PTPRN2: variants seen among roughly 807,000 people sequenced by gnomAD.
The protein encoded by PTPRN2 is protein tyrosine phosphatase receptor type N2, also known as receptor-type tyrosine-protein phosphatase N2.
In PTPRN2, 74 loss-of-function variants were observed where a neutral mutation model predicts 118.8. That is an observed-to-expected ratio of 0.62 (90% CI 0.52 to 0.76). PTPRN2 has a LOEUF of 0.76. PTPRN2 is among the 30% of genes least tolerant of loss of function. The pLI is 0.00. For missense variants in PTPRN2, 1,481 were observed against 1,394.4 expected (o/e 1.06, Z -0.99); for synonymous variants, 641 against 608.0 (o/e 1.05, Z -0.80).
chr7:158,498,511 C>A (rs1290721756), intron 1 of PTPRN2, among the ~76,000 whole-genome samples: 2 of 144,706 alleles, frequency 1.4e-5, no homozygotes, highest in East Asian at 4.1e-4. Flanking sequence ...GAGCAGCAAC[C>A]TCAACTATAT....
chr7:157,540,494 A>T lies in PTPRN2; in HGVS notation c.*220T>A. 2.4e-6 allele frequency: 1 copy of T among 412,608 alleles called. No homozygotes were observed. The highest frequency in any genetic ancestry group is 4.3e-6 in the Non-Finnish European group (1 of 231,292). 25.6% of individuals were successfully genotyped at this position (412,608 alleles called of 1,614,324 possible). ...TAAGCAAGTGAAAATTGATGAACCG[A>T]TTCCCCTCCACCCGTAACTGGATTT... On this transcript the variant is annotated 3_prime_UTR_variant, in exon 23 of 23. Transcript: ENST00000389418.
intron 2 of PTPRN2, among the ~76,000 whole-genome samples, chr7:158,475,296 A>C (rs1820169131): frequency 7.1e-6 from 1 of 141,216 alleles, no homozygotes. Context: ...GGCCCTGAGG[A>C]CTCCCCAGCT....
chr7:158,330,918 GT>G lies in PTPRN2; in HGVS notation c.164-13987del, dbSNP rs1804261331. ...ACCATAAGAGCTGACACCTGCAGAC[GT>G]CACTCACACCCACACTCTCACGATA... On this transcript the variant is annotated intron_variant, in intron 2 of 22. Coordinates refer to ENST00000389418, the MANE Select transcript of PTPRN2 (RefSeq NM_002847.5). Among the ~76,000 whole-genome samples the G allele has an allele frequency of 6.4e-5, 7 of 109,174 alleles. 1 individual carries two copies. The highest frequency in any genetic ancestry group is 2.4e-4 in the African/African-American group (7 of 29,616). The allele number at this position is 109,174 out of a possible 152,430, so 71.6% of individuals were successfully genotyped here.
At chr7:157,800,865 T>C (rs1205193173) in intron 12 of PTPRN2, among the ~76,000 whole-genome samples, 2 of 151,632 alleles carry the variant, frequency 1.3e-5, no homozygotes, top group East Asian at 3.9e-4. Context: ...GGCAGGAGAA[T>C]GGCGTGAACC....
chr7:157,712,660 A>T (rs1798703133), intron 12 of PTPRN2, among the ~76,000 whole-genome samples: 1 of 148,830 alleles, frequency 6.7e-6, no homozygotes, highest in South Asian at 2.2e-4. Context: ...CTGAGGCAGG[A>T]GAATTGCTTG....
chr7:158,580,460 C>T lies in PTPRN2; in HGVS notation c.112+7098G>A, dbSNP rs1828563224. ...CATGCCCTTTGTGCTGTATACAGAA[C>T]ACTGCATCAGAAGCCTTTTCAAAAT... is the stretch of plus-strand genomic sequence containing the variant. On this transcript the variant is annotated intron_variant, in intron 1 of 22. Coordinates refer to ENST00000389418, the MANE Select transcript of PTPRN2 (RefSeq NM_002847.5). Among the ~76,000 whole-genome samples, 3 of 152,318 alleles carry T rather than the reference C, an allele frequency of 2.0e-5. No homozygotes were observed. The South Asian group carries it at 6.2e-4, about 32-fold the overall frequency.
chr7:158,191,010 C>T (rs1825719655), intron 5 of PTPRN2, among the ~76,000 whole-genome samples: 1 of 152,254 alleles, frequency 6.6e-6, no homozygotes, highest in Admixed American at 6.5e-5. Context: ...CTGCACAGAA[C>T]GTGCCACCTT....
At chr7:157,817,852 G>A (rs920383459) in intron 12 of PTPRN2, among the ~76,000 whole-genome samples, 5 of 152,080 alleles carry the variant, frequency 3.3e-5, no homozygotes, top group Non-Finnish European at 5.9e-5. Context: ...TGTGTGTGGT[G>A]CGTGTGTGTG....
At chr7:157,790,474 G>A (rs4716494) in intron 12 of PTPRN2, among the ~76,000 whole-genome samples, 92,984 of 151,914 alleles carry the variant, frequency 0.61, 28,799 homozygotes, top group East Asian at 0.94. Context: ...GAAGATCAGC[G>A]TTCAGACCAG....
At chr7:157,554,901 A>C (rs568906186) in intron 21 of PTPRN2, among the ~76,000 whole-genome samples, 1 of 149,546 alleles carries the variant, frequency 6.7e-6, no homozygotes, top group African/African-American at 2.6e-5. Flanking sequence ...GTTTAATTCG[A>C]GTTGTCCATG....
At position 158,139,166 on chromosome 7, in the gene PTPRN2, C is replaced by T. The variant is rs187457123; in HGVS notation, c.911-651G>A. 1.4e-3 allele frequency among the ~76,000 whole-genome samples: 214 copies of T among 152,212 alleles called. 5 individuals carry two copies. In the East Asian group the frequency reaches 0.037, roughly 27 times the overall value. Reference sequence around the variant, plus strand: ...GCAGGAGGAGGCAGAAAAACAGAACCCGAAATTGAGAATAGGGCAGTCGAT... The same window carrying T: ...GCAGGAGGAGGCAGAAAAACAGAACTCGAAATTGAGAATAGGGCAGTCGAT... On this transcript the variant is annotated intron_variant, in intron 6 of 22. Transcript: ENST00000389418.
chr7:157,916,562 T>C (rs1221358308), intron 11 of PTPRN2, among the ~76,000 whole-genome samples: 1 of 152,254 alleles, frequency 6.6e-6, no homozygotes, highest in African/African-American at 2.4e-5. Context: ...ATCATTTGCC[T>C]GTCCTGTGTG....
chr7:158,511,550 C>G (rs1292777610), intron 1 of PTPRN2, among the ~76,000 whole-genome samples: 1 of 152,248 alleles, frequency 6.6e-6, no homozygotes, highest in Non-Finnish European at 1.5e-5. Flanking sequence ...CCTCCCATAC[C>G]TGTCTCTGTA....
At chr7:157,616,851 A>AG in intron 15 of PTPRN2, 2 of 150,656 alleles carry the variant, frequency 1.3e-5, no homozygotes, top group Admixed American at 1.3e-4. Context: ...GTTTTGGGAG[A>AG]GAAAAAAAAA....
At chr7:158,174,836 A>T (rs762376184) in intron 5 of PTPRN2, among the ~76,000 whole-genome samples, 2 of 152,006 alleles carry the variant, frequency 1.3e-5, no homozygotes, top group African/African-American at 2.4e-5. Context: ...CCTGCACCAT[A>T]CCCCTCACCT....
At chr7:158,026,335 G>A (rs1178283074) in intron 11 of PTPRN2, among the ~76,000 whole-genome samples, 1 of 152,138 alleles carries the variant, frequency 6.6e-6, no homozygotes, top group Non-Finnish European at 1.5e-5. Flanking sequence ...TGATCTGGTG[G>A]GCTGGGCTCG....
Position 157,541,139 on chromosome 7 carries a change from G to A in PTPRN2, c.2977-354C>T, listed in dbSNP as rs970135561. On this transcript the variant is annotated intron_variant, in intron 22 of 22. Coordinates refer to ENST00000389418, the MANE Select transcript of PTPRN2 (RefSeq NM_002847.5). ...TGTCCTTCTGACCCTACGACTCCAC[G>A]ATTCCTCCTCACAGCCACCCGCCTT... 3.3e-5 allele frequency among the ~76,000 whole-genome samples: 5 copies of A among 152,176 alleles called. No individual in the cohort carries two copies. In the East Asian group the frequency reaches 5.8e-4, roughly 18 times the overall value.
intron 2 of PTPRN2, among the ~76,000 whole-genome samples, chr7:158,448,912 C>T (rs188187495): frequency 1.2e-4 from 19 of 152,242 alleles, no homozygotes; most frequent in Admixed American, 6.5e-4. Flanking sequence ...ATGAGGGGCA[C>T]GGCACTTTGC....
At chr7:158,071,111 G>A (rs1242837562) in intron 11 of PTPRN2, among the ~76,000 whole-genome samples, 2 of 100,308 alleles carry the variant, frequency 2.0e-5, no homozygotes, top group Non-Finnish European at 4.1e-5. Flanking sequence ...GCTCGTGGTG[G>A]TGGAGGTGCC....
Sources: gnomAD v4.1 joint callset for allele counts (sites outside exome capture counted in the v4.1 genomes callset) on GRCh38, gnomAD v4.1.1 for gene constraint, MANE v1.5 for transcripts, NCBI Gene and HGNC (gene_info 2026-07-23, HGNC 2026-07-21) for gene names.